PRKG1: variants seen among roughly 807,000 people sequenced by gnomAD.
The protein encoded by PRKG1 is cGMP-dependent protein kinase 1.
In PRKG1, 35 loss-of-function variants were observed where a neutral mutation model predicts 88.1. The observed-to-expected ratio is 0.40, with a 90% CI of 0.30 to 0.53. PRKG1 has a LOEUF of 0.53. Among genes scored for constraint, PRKG1 ranks in the 20% least tolerant of loss-of-function variants. The pLI is 0.59. For synonymous variants in PRKG1, 303 were observed against 292.5 expected (o/e 1.04, Z -0.37); for missense variants, 540 against 839.8 (o/e 0.64, Z 4.41).
At chr10:51,333,472 T>C (rs541903027) in intron 2 of PRKG1, among the ~76,000 whole-genome samples, 135 of 152,278 alleles carry the variant, frequency 8.9e-4, no homozygotes, top group Non-Finnish European at 1.5e-3. Flanking sequence ...AGTAGGAAAA[T>C]GGTAAACCTG....
intron 2 of PRKG1, among the ~76,000 whole-genome samples, chr10:51,447,241 T>A (rs907118379): frequency 6.6e-6 from 1 of 151,978 alleles, no homozygotes; most frequent in Admixed American, 6.6e-5. Context: ...CTTTGGGATT[T>A]AGAGAGCATA....
chr10:51,829,604 A>G (rs1937691), intron 4 of PRKG1, among the ~76,000 whole-genome samples: 31,888 of 152,176 alleles, frequency 0.21, 5,365 homozygotes, highest in African/African-American at 0.47. Context: ...GTACTTATTC[A>G]TAAAAGATAC....
intron 3 of PRKG1, among the ~76,000 whole-genome samples, chr10:51,602,396 A>G (rs1241679654): frequency 1.3e-5 from 2 of 152,066 alleles, no homozygotes; most frequent in African/African-American, 2.4e-5. Flanking sequence ...GAACTGTTCA[A>G]CTGTTCATTC....
At chr10:51,996,727 G>T (rs1334417119) in intron 5 of PRKG1, among the ~76,000 whole-genome samples, 1 of 152,066 alleles carries the variant, frequency 6.6e-6, no homozygotes, top group Non-Finnish European at 1.5e-5. Flanking sequence ...AAGTATGGAA[G>T]TTCCTCAAAA....
At chr10:51,455,614 CA>C (rs1839563174) in intron 2 of PRKG1, among the ~76,000 whole-genome samples, 1 of 152,308 alleles carries the variant, frequency 6.6e-6, no homozygotes, top group Non-Finnish European at 1.5e-5. Flanking sequence ...ACCTCTAGGA[CA>C]GGGGCAAAAT....
chr10:51,390,844 T>G (rs1279906538), intron 2 of PRKG1, among the ~76,000 whole-genome samples: 1 of 152,152 alleles, frequency 6.6e-6, no homozygotes, highest in Non-Finnish European at 1.5e-5. Context: ...TACTGTTACC[T>G]ACAGGGTAGA....
chr10:51,894,567 A>T (rs1841797161), intron 4 of PRKG1, among the ~76,000 whole-genome samples: 1 of 152,188 alleles, frequency 6.6e-6, no homozygotes, highest in Non-Finnish European at 1.5e-5. Flanking sequence ...TATATTCTAC[A>T]ACAATTAACA....
chr10:51,619,997 T>A (rs1394420641), intron 3 of PRKG1, among the ~76,000 whole-genome samples: 1 of 152,134 alleles, frequency 6.6e-6, no homozygotes, highest in African/African-American at 2.4e-5. Context: ...CCATGATAAT[T>A]TGAATTCATT....
chr10:51,421,007 C>T (rs1371246919), intron 2 of PRKG1, among the ~76,000 whole-genome samples: 4 of 152,142 alleles, frequency 2.6e-5, no homozygotes, highest in Non-Finnish European at 5.9e-5. Context: ...AGACACCTCC[C>T]ACCAGGCCCC....
intron 2 of PRKG1, among the ~76,000 whole-genome samples, chr10:51,259,157 T>C (rs1839639377): frequency 2.0e-5 from 3 of 152,228 alleles, no homozygotes; most frequent in Admixed American, 2.0e-4. Context: ...TGTGTTTCTA[T>C]ATATGTGTGT....
At chr10:51,848,312 G>GA (rs977613105) in intron 4 of PRKG1, among the ~76,000 whole-genome samples, 6 of 152,098 alleles carry the variant, frequency 3.9e-5, no homozygotes, top group Non-Finnish European at 8.8e-5. Flanking sequence ...GTAACATGGA[G>GA]AAAAAAATAA....
At chr10:51,547,245 G>A (rs1232934878) in intron 3 of PRKG1, among the ~76,000 whole-genome samples, 1 of 152,100 alleles carries the variant, frequency 6.6e-6, no homozygotes, top group Non-Finnish European at 1.5e-5. Context: ...CTGCAAGGAT[G>A]TTTCCCTATC....
At chr10:51,797,791 A>AG (rs1431050468) in intron 3 of PRKG1, among the ~76,000 whole-genome samples, 1 of 151,646 alleles carries the variant, frequency 6.6e-6, no homozygotes, top group Middle Eastern at 3.2e-3. Context: ...ATTAAAGGGT[A>AG]GCTCTTCATT....
chr10:51,649,947 A>C (rs1240343434), intron 3 of PRKG1, among the ~76,000 whole-genome samples: 1 of 152,200 alleles, frequency 6.6e-6, no homozygotes, highest in Non-Finnish European at 1.5e-5. Context: ...CATTAAACCA[A>C]GTATATGGCC....
intron 17 of PRKG1, among the ~76,000 whole-genome samples, chr10:52,292,381 T>A (rs1346640659): frequency 6.6e-6 from 1 of 151,940 alleles, no homozygotes; most frequent in Admixed American, 6.6e-5. Context: ...TCTTCTAGGG[T>A]TTTTATGGTT....
At chr10:52,141,363 C>T (rs764696958) in intron 8 of PRKG1, among the ~76,000 whole-genome samples, 14 of 152,092 alleles carry the variant, frequency 9.2e-5, no homozygotes, top group Non-Finnish European at 1.9e-4. Flanking sequence ...ACAGTTGAGA[C>T]AACTCCTCAT....
intron 10 of PRKG1, among the ~76,000 whole-genome samples, chr10:52,263,623 C>A (rs1841490763): frequency 6.6e-6 from 1 of 151,002 alleles, no homozygotes; most frequent in South Asian, 2.1e-4. Flanking sequence ...GTCACCCAGG[C>A]CGGAGTGCAG....
intron 3 of PRKG1, among the ~76,000 whole-genome samples, chr10:51,600,554 G>A (rs892774242): frequency 4.6e-5 from 7 of 152,110 alleles, no homozygotes; most frequent in African/African-American, 1.7e-4. Context: ...GTAAAAAGAA[G>A]CAGGTAAAAT....
intron 3 of PRKG1, among the ~76,000 whole-genome samples, chr10:51,677,377 A>AT (rs1589188597): frequency 6.6e-6 from 1 of 152,202 alleles, no homozygotes; most frequent in East Asian, 1.9e-4. Flanking sequence ...ATGCATTTTT[A>AT]TTTTTTGCAT....
Sources: allele counts gnomAD v4.1 joint callset (sites outside exome capture counted in the v4.1 genomes callset), GRCh38; gene constraint gnomAD v4.1.1; transcripts MANE v1.5; gene names NCBI Gene and HGNC (gene_info 2026-07-23, HGNC 2026-07-21).